The following GRM7 variants were observed in gnomAD, a reference collection of about 807,000 sequenced individuals.
GRM7 encodes glutamate metabotropic receptor 7, also known as metabotropic glutamate receptor 7.
A neutral mutation model predicts 84.5 loss-of-function variants in GRM7; 35 were observed. The observed-to-expected ratio is 0.41, with a 90% confidence interval of 0.32 to 0.55. The LOEUF is 0.55. Ranked by LOEUF, GRM7 falls within the 20% of genes least tolerant of loss-of-function variation. The pLI, the probability that GRM7 is intolerant of heterozygous loss-of-function variation, is 0.19. For synonymous variants in GRM7, 487 were observed against 455.1 expected, an observed-to-expected ratio of 1.07 and a Z score of -0.89; for missense variants, 1,003 against 1,194.6, an observed-to-expected ratio of 0.84 and a Z score of 2.36.
chr3:7,075,716 G>C (rs1024594920), intron 1 of GRM7, among the ~76,000 whole-genome samples: 10 of 152,046 alleles, frequency 6.6e-5, no homozygotes, highest in African/African-American at 2.4e-4. Flanking sequence ...AGTAGAGACA[G>C]GGTTTCACCA....
chr3:7,157,231 T>C (rs1694481678), intron 2 of GRM7, among the ~76,000 whole-genome samples: 1 of 152,096 alleles, frequency 6.6e-6, no homozygotes, highest in Non-Finnish European at 1.5e-5. Context: ...CCATTGGCTA[T>C]AGGTATGTGG....
At chr3:7,706,061 A>G (rs1165355376) in intron 9 of GRM7, among the ~76,000 whole-genome samples, 1 of 152,164 alleles carries the variant, frequency 6.6e-6, no homozygotes, top group East Asian at 1.9e-4. Flanking sequence ...AACACTGGAG[A>G]TGAATTAACT....
Position 7,452,589 on chromosome 3 carries a change from TC to T in GRM7, c.1175-17del, listed in dbSNP as rs1252303925. The T allele has an allele frequency of 1.3e-6, 2 of 1,519,484 alleles. No homozygotes were observed. Among genetic ancestry groups the T allele is most frequent in the Non-Finnish European group, 9.1e-7 (1 of 1,094,184 alleles). 94.1% of individuals were successfully genotyped at this position (1,519,484 alleles called of 1,614,324 possible). A position where few individuals can be genotyped will look rare whatever the true frequency, so the allele number is the denominator to read the frequency against. On this transcript the variant is annotated splice_polypyrimidine_tract_variant and intron_variant, in intron 5 of 9. Transcript: ENST00000357716. The stretch of plus-strand genomic sequence containing the variant: ...GTGTGTGTGTGTGTGTGTGTGTGTT[TC>T]TTGTTTTAATGTGCAGGACAGGAGA...
At chr3:7,171,925 T>C (rs550118061) in intron 2 of GRM7, among the ~76,000 whole-genome samples, 3 of 152,322 alleles carry the variant, frequency 2.0e-5, no homozygotes, top group African/African-American at 7.2e-5. Context: ...ACATCAGCAG[T>C]GAAATGAAAA....
chr3:7,149,943 G>A (rs909560371), intron 2 of GRM7, among the ~76,000 whole-genome samples: 4 of 152,006 alleles, frequency 2.6e-5, no homozygotes, highest in Non-Finnish European at 4.4e-5. Flanking sequence ...GTAACTAGAG[G>A]GTTATTTTTT....
intron 1 of GRM7, among the ~76,000 whole-genome samples, chr3:6,903,036 C>T (rs1306644158): frequency 6.6e-6 from 1 of 152,076 alleles, no homozygotes; most frequent in African/African-American, 2.4e-5. Flanking sequence ...GCTTTCTTTG[C>T]ATGGGTGACA....
intron 6 of GRM7, among the ~76,000 whole-genome samples, chr3:7,456,377 T>G (rs953977620): frequency 6.6e-6 from 1 of 152,098 alleles, no homozygotes; most frequent in East Asian, 1.9e-4. Flanking sequence ...TGCCAGAAAC[T>G]GCTAAACATT....
At chr3:7,285,728 T>C (rs1699408889) in intron 2 of GRM7, among the ~76,000 whole-genome samples, 1 of 152,114 alleles carries the variant, frequency 6.6e-6, no homozygotes, top group Non-Finnish European at 1.5e-5. Context: ...GTGATGCCAA[T>C]TGTCTATTGG....
chr3:7,708,525 C>A (rs1701473167), intron 9 of GRM7, among the ~76,000 whole-genome samples: 1 of 152,064 alleles, frequency 6.6e-6, no homozygotes, highest in South Asian at 2.1e-4. Context: ...AGAGGAAGGT[C>A]ATGGTCTGTT....
intron 4 of GRM7, among the ~76,000 whole-genome samples, chr3:7,366,015 A>T (rs950265405): frequency 6.6e-6 from 1 of 151,604 alleles, no homozygotes; most frequent in African/African-American, 2.4e-5. Context: ...AGACTATAAA[A>T]CCATGTATGG....
At chr3:7,087,377 A>G (rs1190599344) in intron 1 of GRM7, among the ~76,000 whole-genome samples, 2 of 137,666 alleles carry the variant, frequency 1.5e-5, no homozygotes, top group Admixed American at 7.4e-5. Context: ...TATATTTTCT[A>G]TTCTAGAATA....
intron 1 of GRM7, among the ~76,000 whole-genome samples, chr3:6,996,558 A>G (rs1694837862): frequency 1.3e-5 from 2 of 152,182 alleles, no homozygotes; most frequent in South Asian, 2.1e-4. Flanking sequence ...GCTGTTTTCT[A>G]AAAACATGCT....
chr3:7,201,396 T>C (rs1331302387), intron 2 of GRM7, among the ~76,000 whole-genome samples: 1 of 152,196 alleles, frequency 6.6e-6, no homozygotes, highest in African/African-American at 2.4e-5. Flanking sequence ...CAAAGGTGTT[T>C]ATATACTAGA....
At chr3:7,176,930 T>C (rs1039940838) in intron 2 of GRM7, among the ~76,000 whole-genome samples, 16 of 152,212 alleles carry the variant, frequency 1.1e-4, no homozygotes, top group African/African-American at 3.9e-4. Context: ...TAAGTTAACC[T>C]TCATGTGAAG....
intron 7 of GRM7, among the ~76,000 whole-genome samples, chr3:7,530,181 G>A (rs1253110498): frequency 1.4e-5 from 2 of 147,020 alleles, no homozygotes; most frequent in African/African-American, 2.5e-5. Flanking sequence ...TTATAAGTGA[G>A]GACATGCAGT....
At chr3:6,910,801 A>G (rs1696742154) in intron 1 of GRM7, among the ~76,000 whole-genome samples, 1 of 152,166 alleles carries the variant, frequency 6.6e-6, no homozygotes, top group Non-Finnish European at 1.5e-5. Context: ...AAGATGGGTA[A>G]TCTGTGACAA....
chr3:6,992,866 G>C (rs1575108217), intron 1 of GRM7, among the ~76,000 whole-genome samples: 2 of 152,204 alleles, frequency 1.3e-5, no homozygotes. Flanking sequence ...TGAGAAGGTA[G>C]ATAGCCCAGT....
At position 6,926,262 on chromosome 3, in the gene GRM7, A is replaced by G. The variant is rs535409580; in HGVS notation, c.519+64355A>G. 5.9e-5 allele frequency among the ~76,000 whole-genome samples: 9 copies of G among 152,320 alleles called. No homozygotes were observed. The East Asian group carries it at 1.7e-3, about 29-fold the overall frequency. On this transcript the variant is annotated intron_variant, in intron 1 of 9. Transcript: ENST00000357716. ...CAGATTCTTTCATATCCATTGATCT[A>G]TCTGCTTTTTTCTACATATATCATT...
chr3:7,614,190 G>A lies in GRM7; in HGVS notation c.2451+34833G>A, dbSNP rs1427195458. ...CGAGGCTGGAGAATTGCTTGAACCC[G>A]TGAGGCAGAGGTTGCAGTGAGCTGA... On this transcript the variant is annotated intron_variant, in intron 8 of 9. Coordinates refer to ENST00000357716, the MANE Select transcript of GRM7 (RefSeq NM_000844.4). Among the ~76,000 whole-genome samples, 11 of 152,220 alleles carry A rather than the reference G, an allele frequency of 7.2e-5. No individual in the cohort carries two copies. The South Asian group carries it at 8.3e-4, about 11-fold the overall frequency.
Sources: allele counts gnomAD v4.1 joint callset (sites outside exome capture counted in the v4.1 genomes callset), GRCh38; gene constraint gnomAD v4.1.1; transcripts MANE v1.5; gene names NCBI Gene and HGNC (gene_info 2026-07-23, HGNC 2026-07-21).